RGS12: variants seen among roughly 807,000 people sequenced by gnomAD.
RGS12 encodes the protein regulator of G protein signaling 12.
Under a neutral mutation model 120.1 loss-of-function variants are expected in RGS12, and 66 were observed. That is an observed-to-expected ratio of 0.55 (90% CI 0.45 to 0.67). RGS12 has a LOEUF of 0.67. Ranked by LOEUF, RGS12 falls within the 30% of genes least tolerant of loss-of-function variation. The pLI, the probability that RGS12 is intolerant of heterozygous loss-of-function variation, is 0.00. For synonymous variants in RGS12, 827 were observed against 804.7 expected (o/e 1.03, Z -0.47); for missense variants, 1,859 against 1,957.7 (o/e 0.95, Z 0.95).
At chr4:3,343,230 C>G in intron 3 of RGS12, 177 bp downstream of exon 3, 1 of 568,228 alleles carries the variant, frequency 1.8e-6, no homozygotes, top group Non-Finnish European at 3.1e-6. Context: ...AACCTTTCTA[C>G]CCTGCAATGT....
chr4:3,363,091 G>A (rs1336835004), intron 3 of RGS12, among the ~76,000 whole-genome samples: 5 of 151,018 alleles, frequency 3.3e-5, no homozygotes, highest in Non-Finnish European at 7.4e-5. Flanking sequence ...GTGTGAAGGC[G>A]TGTGTATGTG....
In RGS12 at chr4:3,317,764, G is replaced by A. The variant is rs1385950584; in HGVS notation, c.1594G>A (p.Gly532Ser). 6.2e-7 allele frequency: 1 copy of A among 1,613,452 alleles called. No individual in the cohort carries two copies. The highest frequency in any genetic ancestry group is 8.5e-7 in the Non-Finnish European group (1 of 1,180,016). Residue 532 changes from glycine (G) to serine (S), a missense_variant, in exon 2 of 18, where the codon GGT becomes AGT. Around this residue, in one of 3 missense-constraint regions of RGS12, gnomAD observed 967 missense variants for 994.2 expected, o/e 0.97. Coordinates refer to ENST00000336727, the MANE Select transcript of RGS12 (RefSeq NM_001394154.1). ...GAGGGGCACCGTGGGTGCTGGCTGTGGTTTCAACCAGCGCTGGCTCCCGGT... is the reference window on the plus strand; with the variant it reads ...GAGGGGCACCGTGGGTGCTGGCTGTAGTTTCAACCAGCGCTGGCTCCCGGT... ...SKRGTVGAGC[G>S]FNQRWLPVHV...
intron 3 of RGS12, among the ~76,000 whole-genome samples, chr4:3,351,091 C>A (rs1437627541): frequency 6.6e-6 from 1 of 152,148 alleles, no homozygotes; most frequent in Non-Finnish European, 1.5e-5. Flanking sequence ...ATGGATAAAG[C>A]AGTTTTCATA....
In RGS12 at chr4:3,374,716, C is replaced by G. The variant is rs569427556; in HGVS notation, c.1999-11700C>G. ...TCCCTGAGTTTACACTTTCTCACCC[C>G]CATTGCTGCAGCCTGCCCTCGTCCC... is the stretch of plus-strand genomic sequence containing the variant. On this transcript the variant is annotated intron_variant, in intron 3 of 17. Transcript: ENST00000336727. This position sits in a 1 kb window ranked among gnomAD's most constrained non-coding sequence, Gnocchi z 6.3. Among the ~76,000 whole-genome samples the G allele has an allele frequency of 6.6e-6, 1 of 152,010 alleles. No individual in the cohort carries two copies. Among genetic ancestry groups the G allele is most frequent in the Non-Finnish European group, 1.5e-5 (1 of 68,012 alleles).
At position 3,431,220 on chromosome 4, in the gene RGS12, C is replaced by T. The variant is rs997082989; in HGVS notation, c.4114+265C>T. 10 of 1,337,654 alleles carry T rather than the reference C, an allele frequency of 7.5e-6. No individual in the cohort carries two copies. The South Asian group carries it at 7.6e-5, about 10-fold the overall frequency. 82.9% of individuals were successfully genotyped at this position (1,337,654 alleles called of 1,614,324 possible). A position where few individuals can be genotyped will look rare whatever the true frequency, so the allele number is the denominator to read the frequency against. ...CTGAGAGGCTCTTGCAGGAATGATA[C>T]GTGGCAGTGCCTGCAGCGAGGTCTG... On this transcript the variant is annotated intron_variant, in intron 17 of 17. Coordinates refer to ENST00000336727, the MANE Select transcript of RGS12 (RefSeq NM_001394154.1).
intron 2 of RGS12, among the ~76,000 whole-genome samples, chr4:3,335,826 A>G (rs903029605): frequency 1.6e-4 from 24 of 152,132 alleles, no homozygotes; most frequent in African/African-American, 5.6e-4. Context: ...GTGGTGGCTC[A>G]TACCTGTAAT....
chr4:3,426,419 G>A (rs1723658476), intron 14 of RGS12, among the ~76,000 whole-genome samples: 1 of 151,918 alleles, frequency 6.6e-6, no homozygotes, highest in South Asian at 2.1e-4. Flanking sequence ...GTCCCTCCTT[G>A]GTGCCCTGAT....
intron 4 of RGS12, among the ~76,000 whole-genome samples, chr4:3,405,567 A>G (rs143445248): frequency 2.4e-3 from 366 of 152,346 alleles, no homozygotes; most frequent in Middle Eastern, 0.017. Context: ...GCTGGAAAGG[A>G]CAGGATTGAC....
At chr4:3,294,610 G>A (rs1234736460) in intron 1 of RGS12, among the ~76,000 whole-genome samples, 1 of 152,206 alleles carries the variant, frequency 6.6e-6, no homozygotes, top group Non-Finnish European at 1.5e-5. Context: ...AGGCCATGTT[G>A]GCTGAGGGCA....
At chr4:3,355,604 G>A (rs1381188603) in intron 3 of RGS12, among the ~76,000 whole-genome samples, 4 of 151,702 alleles carry the variant, frequency 2.6e-5, no homozygotes, top group African/African-American at 4.8e-5. Context: ...AGACCAGCCT[G>A]GACAACATGG....
At chr4:3,352,476 G>A (rs1457070715) in intron 3 of RGS12, among the ~76,000 whole-genome samples, 5 of 151,942 alleles carry the variant, frequency 3.3e-5, no homozygotes, top group Non-Finnish European at 7.4e-5. Context: ...AACAAATAGG[G>A]AGGGAGACTC....
rs190964702 is a variant in RGS12 at position 3,369,494 on chromosome 4, C to G, written c.1999-16922C>G. On this transcript the variant is annotated intron_variant, in intron 3 of 17. Transcript: ENST00000336727. The stretch of plus-strand genomic sequence containing the variant: ...GTTTGCAGTTCCTGGCAAGAAGCTT[C>G]CCCAGGTCTAATGGCGAAGCTTCCC... Among the ~76,000 whole-genome samples, 144 of 152,262 alleles carry G rather than the reference C, an allele frequency of 9.5e-4. 1 individual carries two copies. Among genetic ancestry groups the G allele is most frequent in the Middle Eastern group, 6.8e-3 (2 of 294 alleles).
At chr4:3,319,036 C>T (rs186999925) in intron 2 of RGS12, among the ~76,000 whole-genome samples, 41 of 152,298 alleles carry the variant, frequency 2.7e-4, no homozygotes, top group Non-Finnish European at 5.3e-4. Flanking sequence ...TAGGCAGGGC[C>T]GGGGAGTAGG....
chr4:3,361,840 G>A (rs1490341585), intron 3 of RGS12, among the ~76,000 whole-genome samples: 1 of 152,184 alleles, frequency 6.6e-6, no homozygotes, highest in African/African-American at 2.4e-5. Context: ...AAGTGTTGGC[G>A]AAATGTCTTC....
chr4:3,340,382 G>A lies in RGS12; in HGVS notation c.1882-2555G>A, dbSNP rs1265775249. 2.6e-5 allele frequency among the ~76,000 whole-genome samples: 4 copies of A among 152,252 alleles called. No individual in the cohort carries two copies. In the East Asian group the frequency reaches 7.7e-4, roughly 29 times the overall value. On this transcript the variant is annotated intron_variant, in intron 2 of 17. Coordinates refer to ENST00000336727, the MANE Select transcript of RGS12 (RefSeq NM_001394154.1). ...AAAAGACCCAAAGACTGGGAGAGAG[G>A]ACGCTGGGGAGTCTTAACTTAGACG...
In RGS12 at chr4:3,317,424, C is replaced by G; in HGVS notation, c.1254C>G (p.Thr418=). Residue 418 remains threonine, a synonymous_variant, in exon 2 of 18, where the codon ACC becomes ACG. Coordinates refer to ENST00000336727, the MANE Select transcript of RGS12 (RefSeq NM_001394154.1). The part of the protein sequence containing the change: ...GDADAHQNNS[T]SSNSDSGIGN... The stretch of plus-strand genomic sequence containing the variant: ...CCGATGCCCACCAGAACAACAGCAC[C>G]AGCAGCAACAGTGACAGCGGCATTG... 3 of 1,614,110 alleles carry G rather than the reference C, an allele frequency of 1.9e-6. No homozygotes were observed. In the South Asian group the frequency reaches 3.3e-5, roughly 18 times the overall value.
At chr4:3,307,157 C>CGCTG (rs982557145) in intron 1 of RGS12, among the ~76,000 whole-genome samples, 1 of 152,204 alleles carries the variant, frequency 6.6e-6, no homozygotes, top group African/African-American at 2.4e-5. Flanking sequence ...GATGTGTTGC[C>CGCTG]GCTGGCTGCT....
chr4:3,388,152 G>A (rs1719056745), intron 4 of RGS12, among the ~76,000 whole-genome samples: 1 of 152,128 alleles, frequency 6.6e-6, no homozygotes. Context: ...AGACCCTGGG[G>A]CCACTGGGAC....
chr4:3,429,147 G>A (rs1233722630), intron 16 of RGS12, among the ~76,000 whole-genome samples: 2 of 152,220 alleles, frequency 1.3e-5, no homozygotes, highest in African/African-American at 2.4e-5. Flanking sequence ...TGGAAGGACC[G>A]TGGGCTTGCT....
Sources: allele counts gnomAD v4.1 joint callset (sites outside exome capture counted in the v4.1 genomes callset), GRCh38; gene constraint gnomAD v4.1.1; regional missense constraint gnomAD v4.1.1; non-coding constraint Gnocchi (gnomAD v3.1); transcripts MANE v1.5; gene names NCBI Gene and HGNC (gene_info 2026-07-23, HGNC 2026-07-21).